KIF26B: variants seen among roughly 807,000 people sequenced by gnomAD.
The protein encoded by KIF26B is kinesin family member 26B, also known as kinesin-like protein KIF26B.
Under a neutral mutation model 151.2 loss-of-function variants are expected in KIF26B, and 63 were observed. That is an observed-to-expected ratio of 0.42 (90% CI 0.34 to 0.51). The LOEUF (loss-of-function observed/expected upper bound fraction) is 0.51. Among genes scored for constraint, KIF26B ranks in the 20% least tolerant of loss-of-function variants. KIF26B has a pLI of 0.07. For synonymous variants in KIF26B, 1,357 were observed against 1,262.1 expected (o/e 1.08, Z -1.59); for missense variants, 2,813 against 2,913.6 (o/e 0.97, Z 0.79).
At chr1:245,504,752 C>T (rs1660698139) in intron 4 of KIF26B, among the ~76,000 whole-genome samples, 1 of 151,504 alleles carries the variant, frequency 6.6e-6, no homozygotes, top group South Asian at 2.1e-4. Context: ...TCTGCTCTTT[C>T]CCTTCCTTCT....
intron 2 of KIF26B, among the ~76,000 whole-genome samples, chr1:245,351,276 T>G (rs112673665): frequency 0.027 from 4,179 of 152,316 alleles, 80 homozygotes; most frequent in Non-Finnish European, 0.043. Flanking sequence ...CCTGTTTTTC[T>G]GTCATCGCTG....
rs1441710041 is a variant in KIF26B at position 245,227,452 on chromosome 1, CCT to C, written c.465+70774_465+70775del. Among the ~76,000 whole-genome samples the C allele has an allele frequency of 6.6e-6, 1 of 152,188 alleles. No homozygotes were observed. Among genetic ancestry groups the C allele is most frequent in the East Asian group, 1.9e-4 (1 of 5,194 alleles). On this transcript the variant is annotated intron_variant, in intron 2 of 14. Coordinates refer to ENST00000407071, the MANE Select transcript of KIF26B (RefSeq NM_018012.4). The surrounding 1 kb of genome is among the most constrained non-coding windows in gnomAD (Gnocchi z 4.1). The stretch of plus-strand genomic sequence containing the variant: ...CCTCCGTCCTCTTCGCCATCATTGG[CCT>C]CTCTTGTTTCTTCCCACCCCTGTCA...
chr1:245,257,106 C>A (rs1670550327), intron 2 of KIF26B, among the ~76,000 whole-genome samples: 1 of 152,204 alleles, frequency 6.6e-6, no homozygotes, highest in Non-Finnish European at 1.5e-5. Flanking sequence ...AACCCAGACA[C>A]TCCCTTCTAT....
At position 245,171,488 on chromosome 1, in the gene KIF26B, G is replaced by A. The variant is rs548798534; in HGVS notation, c.465+14805G>A. On this transcript the variant is annotated intron_variant, in intron 2 of 14. Coordinates refer to ENST00000407071, the MANE Select transcript of KIF26B (RefSeq NM_018012.4). ...GAACCCGGGAGGTGGAGGTTGCAGT[G>A]AGCTGAGATCGCGCCATTGCACTCC... Among the ~76,000 whole-genome samples, 5 of 152,224 alleles carry A rather than the reference G, an allele frequency of 3.3e-5. No homozygotes were observed. The South Asian group carries it at 1.0e-3, about 32-fold the overall frequency.
At chr1:245,585,928 C>A (rs1254694901) in intron 5 of KIF26B, among the ~76,000 whole-genome samples, 1 of 151,512 alleles carries the variant, frequency 6.6e-6, no homozygotes, top group African/African-American at 2.4e-5. Context: ...TTTAAAAATG[C>A]TGTGCTGTGG....
rs561873457 is a variant in KIF26B, at chr1:245,419,238, C to A, written c.1000-341C>A. Reference sequence around the variant, plus strand: ...GGGGCTATTCCTGGTAAGAAGCCAGCATTAGTTAATGTTACTGTTCTGGTC... The same window carrying A: ...GGGGCTATTCCTGGTAAGAAGCCAGAATTAGTTAATGTTACTGTTCTGGTC... On this transcript the variant is annotated intron_variant, in intron 3 of 14. Coordinates refer to ENST00000407071, the MANE Select transcript of KIF26B (RefSeq NM_018012.4). Among the ~76,000 whole-genome samples, 5 of 152,294 alleles carry A rather than the reference C, an allele frequency of 3.3e-5. No homozygotes were observed. In the South Asian group the frequency reaches 1.0e-3, roughly 32 times the overall value.
intron 10 of KIF26B, among the ~76,000 whole-genome samples, chr1:245,663,345 A>G (rs967269802): frequency 1.2e-4 from 18 of 149,576 alleles, no homozygotes; most frequent in South Asian, 4.3e-4. Context: ...TCCAGTTTCT[A>G]TTTTTCAAAC....
At chr1:245,476,617 C>G (rs1287833067) in intron 4 of KIF26B, among the ~76,000 whole-genome samples, 1 of 151,442 alleles carries the variant, frequency 6.6e-6, no homozygotes, top group African/African-American at 2.4e-5. Flanking sequence ...CTCACTGCAG[C>G]CTTGACCTCC....
At chr1:245,483,523 G>A (rs535955644) in intron 4 of KIF26B, among the ~76,000 whole-genome samples, 9 of 151,948 alleles carry the variant, frequency 5.9e-5, no homozygotes, top group East Asian at 1.9e-4. Context: ...TTGGGGGAGC[G>A]GGGAAAGTGC....
intron 2 of KIF26B, among the ~76,000 whole-genome samples, chr1:245,169,362 T>TGTGTGCGC (rs879260509): frequency 5.3e-5 from 8 of 151,090 alleles, no homozygotes; most frequent in Middle Eastern, 3.4e-3. Flanking sequence ...TGTGTGTGTG[T>TGTGTGCGC]GCGCGCAAGC....
chr1:245,513,215 C>CT (rs1660875091), intron 4 of KIF26B, among the ~76,000 whole-genome samples: 3 of 150,968 alleles, frequency 2.0e-5, no homozygotes, highest in African/African-American at 7.3e-5. Flanking sequence ...TGCACCCCCC[C>CT]CCAACCCCGC....
chr1:245,288,043 A>C (rs1433229526), intron 2 of KIF26B, among the ~76,000 whole-genome samples: 1 of 151,956 alleles, frequency 6.6e-6, no homozygotes, highest in Non-Finnish European at 1.5e-5. Flanking sequence ...AGTTCCATAT[A>C]CCAAATTATT....
intron 5 of KIF26B, among the ~76,000 whole-genome samples, chr1:245,600,325 ACCACGCCT>A (rs2043382876): frequency 6.9e-6 from 1 of 144,960 alleles, no homozygotes; most frequent in East Asian, 2.1e-4. Context: ...GGCGTGAGCC[ACCACGCCT>A]GGCCGTTTTG....
rs1553299289 is a variant in KIF26B at position 245,640,122 on chromosome 1, G to GCTCCCTCTCTCTCTCTCTCT, written c.2099-5996_2099-5995insCCTCTCTCTCTCTCTCTCTC. On this transcript the variant is annotated intron_variant, in intron 9 of 14. Transcript: ENST00000407071. ...CTCCTGTTTAGATCTACTAATATTTGCTCTCTCTCTCTCTCTCTCTCTATA... is the reference window on the plus strand; with the variant it reads ...CTCCTGTTTAGATCTACTAATATTTGCTCCCTCTCTCTCTCTCTCTCTCTCTCTCTCTCTCTCTCTCTATA... 1.1e-4 allele frequency among the ~76,000 whole-genome samples: 6 copies of GCTCCCTCTCTCTCTCTCTCT among 53,974 alleles called. 1 individual carries two copies. The highest frequency in any genetic ancestry group is 2.1e-4 in the Non-Finnish European group (6 of 28,036). 35.4% of individuals were successfully genotyped at this position (53,974 alleles called of 152,430 possible).
intron 2 of KIF26B, among the ~76,000 whole-genome samples, chr1:245,315,362 A>G (rs964303028): frequency 2.6e-5 from 4 of 151,940 alleles, no homozygotes; most frequent in African/African-American, 9.7e-5. Context: ...AAATGGTTCA[A>G]GGTACATTGC....
intron 12 of KIF26B, among the ~76,000 whole-genome samples, chr1:245,692,082 GA>G (rs2044632163): frequency 6.6e-6 from 1 of 152,210 alleles, no homozygotes; most frequent in Non-Finnish European, 1.5e-5. Flanking sequence ...AGACTATGCA[GA>G]TAATTTAAAT....
intron 2 of KIF26B, among the ~76,000 whole-genome samples, chr1:245,250,613 A>G (rs1462736032): frequency 6.6e-6 from 1 of 152,166 alleles, no homozygotes; most frequent in Non-Finnish European, 1.5e-5. Flanking sequence ...ACCATTCCAT[A>G]TTTTCAGATT....
Position 245,156,609 on chromosome 1 carries a change from A to G in KIF26B, c.391A>G (p.Asn131Asp). Reference protein sequence around the residue: ...PGSDRGVWCENCNARLVELKR... With the variant: ...PGSDRGVWCEDCNARLVELKR... Reference sequence around the variant, plus strand: ...CTCGGACCGCGGCGTCTGGTGCGAGAACTGCAACGCCCGCCTGGTGGAGCT... The same window carrying G: ...CTCGGACCGCGGCGTCTGGTGCGAGGACTGCAACGCCCGCCTGGTGGAGCT... Residue 131 changes from asparagine to aspartate, a missense_variant, in exon 2 of 15, where the codon AAC becomes GAC. Coordinates refer to ENST00000407071, the MANE Select transcript of KIF26B (RefSeq NM_018012.4). 6.6e-7 allele frequency: 1 copy of G among 1,526,150 alleles called. No individual in the cohort carries two copies. The highest frequency in any genetic ancestry group is 8.7e-7 in the Non-Finnish European group (1 of 1,143,398). The allele number at this position is 1,526,150 out of a possible 1,614,324, so 94.5% of individuals were successfully genotyped here. A position where few individuals can be genotyped will look rare whatever the true frequency, so the allele number is the denominator to read the frequency against.
chr1:245,182,097 T>C (rs913913826), intron 2 of KIF26B, among the ~76,000 whole-genome samples: 1 of 152,160 alleles, frequency 6.6e-6, no homozygotes, highest in Admixed American at 6.5e-5. Flanking sequence ...TTATGTGCCA[T>C]GAAATTCACT....
Sources: allele counts gnomAD v4.1 joint callset (sites outside exome capture counted in the v4.1 genomes callset), GRCh38; gene constraint gnomAD v4.1.1; non-coding constraint Gnocchi (gnomAD v3.1); transcripts MANE v1.5; gene names NCBI Gene and HGNC (gene_info 2026-07-23, HGNC 2026-07-21).